PDGFC: variants seen among roughly 807,000 people sequenced by gnomAD.
PDGFC encodes platelet-derived growth factor C.
PDGFC carries 12 observed loss-of-function variants against 35.5 expected under a neutral mutation model. The observed-to-expected ratio is 0.34, with a 90% CI of 0.22 to 0.55. The LOEUF is 0.55. Among genes scored for constraint, PDGFC ranks in the 20% least tolerant of loss-of-function variants. The probability of loss-of-function intolerance (pLI) is 0.91; values close to 1 mark genes in which losing one functional copy is unlikely to be tolerated. For missense variants in PDGFC, 322 were observed against 412.4 expected, an observed-to-expected ratio of 0.78 and a Z score of 1.90; for synonymous variants, 159 against 148.8, an observed-to-expected ratio of 1.07 and a Z score of -0.50.
At chr4:156,909,933 C>T (rs1034678579) in intron 1 of PDGFC, among the ~76,000 whole-genome samples, 5 of 152,050 alleles carry the variant, frequency 3.3e-5, no homozygotes, top group African/African-American at 1.2e-4. Flanking sequence ...ACAACAGAGC[C>T]ACAGGGGGAA....
chr4:156,795,576 A>G (rs938256124), intron 3 of PDGFC, among the ~76,000 whole-genome samples: 1 of 152,142 alleles, frequency 6.6e-6, no homozygotes, highest in African/African-American at 2.4e-5. Flanking sequence ...CTCCACCTGA[A>G]CTACTCAAGT....
chr4:156,877,343 A>C (rs1579072111), intron 1 of PDGFC, among the ~76,000 whole-genome samples: 1 of 152,288 alleles, frequency 6.6e-6, no homozygotes, highest in Non-Finnish European at 1.5e-5. Context: ...ATACACAAGT[A>C]GTTTCATTTT....
chr4:156,806,925 G>A (rs535507152), intron 3 of PDGFC, among the ~76,000 whole-genome samples: 131 of 151,810 alleles, frequency 8.6e-4, no homozygotes, highest in African/African-American at 3.0e-3. Context: ...CTCACCGTGT[G>A]TGGCCTCCAA....
chr4:156,779,770 G>A (rs1307066175), intron 3 of PDGFC, among the ~76,000 whole-genome samples: 1 of 152,174 alleles, frequency 6.6e-6, no homozygotes, highest in African/African-American at 2.4e-5. Context: ...TCATGAAACT[G>A]GAGAACCATT....
intron 1 of PDGFC, among the ~76,000 whole-genome samples, chr4:156,888,502 A>T (rs1730428594): frequency 2.0e-5 from 3 of 152,196 alleles, no homozygotes; most frequent in Admixed American, 2.0e-4. Context: ...TTCTGTAAAG[A>T]ACATCCCCAT....
Position 156,971,569 on chromosome 4 carries a change from G to T in PDGFC, c.-666C>A, listed in dbSNP as rs1273916303. ...CCGCGGGGCTCCCGCTCCTCAGCCC[G>T]GAGCGCAGTTGGCCCCGGGTTCGGA... On this transcript the variant is annotated 5_prime_UTR_variant, in exon 1 of 6. Coordinates refer to ENST00000502773, the MANE Select transcript of PDGFC (RefSeq NM_016205.3). Among the ~76,000 whole-genome samples the T allele has an allele frequency of 2.6e-5, 4 of 151,144 alleles. No individual in the cohort carries two copies. Among genetic ancestry groups the T allele is most frequent in the South Asian group, 2.1e-4 (1 of 4,824 alleles).
At chr4:156,940,468 T>A (rs1272960076) in intron 1 of PDGFC, among the ~76,000 whole-genome samples, 1 of 152,024 alleles carries the variant, frequency 6.6e-6, no homozygotes, top group African/African-American at 2.4e-5. Context: ...CAAAAACAAG[T>A]CCCTGACATT....
At chr4:156,807,747 A>G (rs1040930154) in intron 3 of PDGFC, among the ~76,000 whole-genome samples, 2 of 152,090 alleles carry the variant, frequency 1.3e-5, no homozygotes, top group Non-Finnish European at 2.9e-5. Context: ...CTACAGGGTT[A>G]TCTCTTTACC....
chr4:156,876,445 C>T (rs2111158734), intron 1 of PDGFC: 1 of 152,288 alleles, frequency 6.6e-6, no homozygotes, highest in South Asian at 2.1e-4. Flanking sequence ...ATCTTCTAAA[C>T]TTCAAATTAC....
intron 3 of PDGFC, among the ~76,000 whole-genome samples, chr4:156,773,974 C>T (rs1283384744): frequency 2.6e-5 from 4 of 152,156 alleles, no homozygotes; most frequent in Non-Finnish European, 1.5e-5. Flanking sequence ...ATACTAAAAA[C>T]ATGTACTATA....
chr4:156,948,180 T>C (rs1017346906), intron 1 of PDGFC, among the ~76,000 whole-genome samples: 3 of 148,968 alleles, frequency 2.0e-5, no homozygotes, highest in African/African-American at 7.4e-5. Context: ...CAGAATATTG[T>C]CTTGATCTTC....
rs558567696 is a variant in PDGFC, at chr4:156,936,404, A to C, written c.118+34382T>G. ...CACCTCTCAACTCATTCCTAACCAA[A>C]GGAGAGGGAAGAACTAATACAATTA... is the stretch of plus-strand genomic sequence containing the variant. On this transcript the variant is annotated intron_variant, in intron 1 of 5. Transcript: ENST00000502773. Among the ~76,000 whole-genome samples, 3 of 152,260 alleles carry C rather than the reference A, an allele frequency of 2.0e-5. No homozygotes were observed. The East Asian group carries it at 5.8e-4, about 29-fold the overall frequency.
chr4:156,928,380 T>A (rs1731467151), intron 1 of PDGFC, among the ~76,000 whole-genome samples: 1 of 152,124 alleles, frequency 6.6e-6, no homozygotes, highest in Non-Finnish European at 1.5e-5. Flanking sequence ...TCTACCTGAT[T>A]TTAACTTTAA....
intron 2 of PDGFC, among the ~76,000 whole-genome samples, chr4:156,848,661 A>T (rs1729382907): frequency 6.6e-6 from 1 of 152,046 alleles, no homozygotes; most frequent in African/African-American, 2.4e-5. Context: ...CCATTGATAC[A>T]TATTTCAAAA....
chr4:156,807,727 C>T (rs1731807869), intron 3 of PDGFC, among the ~76,000 whole-genome samples: 1 of 151,686 alleles, frequency 6.6e-6, no homozygotes, highest in South Asian at 2.1e-4. Flanking sequence ...ATTTATAGTC[C>T]CAAAGAAGGC....
At chr4:156,948,891 T>TC (rs1470055011) in intron 1 of PDGFC, among the ~76,000 whole-genome samples, 1 of 151,934 alleles carries the variant, frequency 6.6e-6, no homozygotes, top group Non-Finnish European at 1.5e-5. Flanking sequence ...TTGCCCCGTA[T>TC]CCCCTGAGTA....
At chr4:156,865,836 C>T (rs1244119023) in intron 1 of PDGFC, among the ~76,000 whole-genome samples, 2 of 152,158 alleles carry the variant, frequency 1.3e-5, no homozygotes, top group South Asian at 2.1e-4. Context: ...TTTTCTTGAG[C>T]GATGTAGGTG....
intron 1 of PDGFC, among the ~76,000 whole-genome samples, chr4:156,909,768 G>T (rs1159886998): frequency 6.6e-6 from 1 of 152,056 alleles, no homozygotes; most frequent in East Asian, 1.9e-4. Context: ...ATACGTCCAA[G>T]TCCTAACCCC....
At chr4:156,875,891 A>C (rs565949133) in intron 1 of PDGFC, among the ~76,000 whole-genome samples, 151 of 152,284 alleles carry the variant, frequency 9.9e-4, no homozygotes, top group African/African-American at 3.6e-3. Context: ...GGGGGGAAAA[A>C]AAGTGATTTC....
Sources: gnomAD v4.1 joint callset for allele counts (sites outside exome capture counted in the v4.1 genomes callset) on GRCh38, gnomAD v4.1.1 for gene constraint, MANE v1.5 for transcripts, NCBI Gene and HGNC (gene_info 2026-07-23, HGNC 2026-07-21) for gene names.